The following SUPT16H variants were observed in gnomAD, a reference collection of about 807,000 sequenced individuals.
The protein encoded by SUPT16H is SPT16 homolog, facilitates chromatin remodeling subunit.
In SUPT16H, 24 loss-of-function variants were observed where a neutral mutation model predicts 136.2. That is an observed-to-expected ratio of 0.18 (90% CI 0.13 to 0.25). The LOEUF is 0.25. Ranked by LOEUF, SUPT16H falls within the 10% of genes least tolerant of loss-of-function variation. The probability of loss-of-function intolerance (pLI) is 1.00; values close to 1 mark genes in which losing one functional copy is unlikely to be tolerated. For missense variants in SUPT16H, 623 were observed against 1,270.2 expected (o/e 0.49, Z 7.74); for synonymous variants, 415 against 428.2 (o/e 0.97, Z 0.38).
At chr14:21,381,951 T>TA (rs1383800055) in intron 1 of SUPT16H, among the ~76,000 whole-genome samples, 1 of 151,828 alleles carries the variant, frequency 6.6e-6, no homozygotes, top group African/African-American at 2.4e-5. Flanking sequence ...GTTTTCTTAT[T>TA]AAAAAAAGGA....
At chr14:21,369,536 G>C in intron 5 of SUPT16H, 181 bp from the exon 6 acceptor site, 1 of 953,778 alleles carries the variant, frequency 1.0e-6, no homozygotes, top group Non-Finnish European at 1.5e-6. Context: ...AGGACTTACA[G>C]CTATTCCTAT....
In SUPT16H at chr14:21,361,067, T is replaced by G. The variant is rs1394786891; in HGVS notation, c.1929+11A>C. 1 of 1,613,498 alleles carries G rather than the reference T, an allele frequency of 6.2e-7. No individual in the cohort carries two copies. The highest frequency in any genetic ancestry group is 1.3e-5 in the African/African-American group (1 of 74,924). On this transcript the variant is annotated intron_variant, in intron 16 of 25. Coordinates refer to ENST00000216297, the MANE Select transcript of SUPT16H (RefSeq NM_007192.4). Reference sequence around the variant, plus strand: ...TTTGTGTAAGAATGTTTTGCCTGTGTTCAGGCTCACCTCCTTCTCTTTCTC... The same window carrying G: ...TTTGTGTAAGAATGTTTTGCCTGTGGTCAGGCTCACCTCCTTCTCTTTCTC...
intron 15 of SUPT16H, among the ~76,000 whole-genome samples, chr14:21,361,856 C>T (rs1034747399): frequency 7.2e-5 from 11 of 152,104 alleles, no homozygotes; most frequent in African/African-American, 2.7e-4. Context: ...CAGCCTCAAC[C>T]TCCCAGGCTC....
chr14:21,356,379 CAG>C (rs1465917698), intron 22 of SUPT16H, among the ~76,000 whole-genome samples: 2 of 152,180 alleles, frequency 1.3e-5, no homozygotes, highest in African/African-American at 4.8e-5. Context: ...CCAGCTTCAG[CAG>C]AGAGATCTCA....
chr14:21,378,733 T>C (rs1313430034), intron 1 of SUPT16H, among the ~76,000 whole-genome samples: 2 of 152,198 alleles, frequency 1.3e-5, no homozygotes, highest in Admixed American at 6.5e-5. Context: ...GCAGTATATA[T>C]AGATATTATT....
At chr14:21,354,964 T>C (rs1886395303) in intron 22 of SUPT16H, 1 of 157,574 alleles carries the variant, frequency 6.3e-6, no homozygotes, top group South Asian at 1.8e-4. Flanking sequence ...CCTAGAGCAC[T>C]AGCCCTCACA....
chr14:21,352,905 C>A, intron 25 of SUPT16H, 87 bp from the exon 26 acceptor site: 1 of 1,567,672 alleles, frequency 6.4e-7, no homozygotes. Flanking sequence ...ACAGAGAATA[C>A]ACTTTGGAAT....
intron 1 of SUPT16H, among the ~76,000 whole-genome samples, chr14:21,379,486 A>T (rs1886973974): frequency 6.6e-6 from 1 of 151,908 alleles, no homozygotes; most frequent in African/African-American, 2.4e-5. Context: ...AAGCTGAGTA[A>T]GCAATATTTA....
chr14:21,383,885 T>G lies in SUPT16H; in HGVS notation c.43A>C (p.Lys15Gln), dbSNP rs1174261451. ...ACCCGCCAATTGCTGTACAGTCTCT[T>G]CACTCGCCGATAATAAGCGTCTTTG... ...LDKDAYYRRV[K>Q]RLYSNWRKGE... The change falls in exon 1 of 26, where the codon AAG (lysine) becomes CAG (glutamine). Residue 15 changes from lysine to glutamine, a missense_variant. By Grantham distance (53) the Lys-to-Gln change is moderately conservative. Coordinates refer to ENST00000216297, the MANE Select transcript of SUPT16H (RefSeq NM_007192.4). 5 of 1,613,656 alleles carry G rather than the reference T, an allele frequency of 3.1e-6. No homozygotes were observed. The highest frequency in any genetic ancestry group is 4.2e-6 in the Non-Finnish European group (5 of 1,180,020).
chr14:21,382,773 T>C (rs1355393726), intron 1 of SUPT16H, among the ~76,000 whole-genome samples: 1 of 152,244 alleles, frequency 6.6e-6, no homozygotes, highest in Non-Finnish European at 1.5e-5. Flanking sequence ...AGTTCTTATT[T>C]TTCCTTTTCA....
Position 21,360,712 on chromosome 14 carries a change from C to CT in SUPT16H, c.2056+133dup, listed in dbSNP as rs573314586. The stretch of plus-strand genomic sequence containing the variant: ...TTCCTCCCAGCATTTCCTTGTCATA[C>CT]TTTATTAGCACCATGCTTTAACCAA... On this transcript the variant is annotated intron_variant, in intron 17 of 25. Coordinates refer to ENST00000216297, the MANE Select transcript of SUPT16H (RefSeq NM_007192.4). The CT allele has an allele frequency of 8.0e-5, 110 of 1,369,098 alleles. 1 individual carries two copies. In the East Asian group the frequency reaches 1.7e-3, roughly 21 times the overall value. The allele number at this position is 1,369,098 out of a possible 1,614,324, so 84.8% of individuals were successfully genotyped here. A position where few individuals can be genotyped will look rare whatever the true frequency, so the allele number is the denominator to read the frequency against.
Position 21,366,537 on chromosome 14 carries a change from C to T in SUPT16H, c.956-8G>A. On this transcript the variant is annotated splice_polypyrimidine_tract_variant and splice_region_variant and intron_variant, in intron 7 of 25. Transcript: ENST00000216297. ...CGTCACATATCTTCACACCTAATAA[C>T]AAGACACAAAGGAGATATTAAAGTA... The T allele has an allele frequency of 6.2e-7, 1 of 1,608,300 alleles. No individual in the cohort carries two copies.
chr14:21,381,786 C>T (rs1391789662), intron 1 of SUPT16H, among the ~76,000 whole-genome samples: 3 of 132,412 alleles, frequency 2.3e-5, no homozygotes, highest in African/African-American at 2.8e-5. Flanking sequence ...ATTTATTTGC[C>T]TTTTTTTTTT....
chr14:21,366,877 C>CA (rs1376576967), intron 7 of SUPT16H, among the ~76,000 whole-genome samples: 15 of 151,990 alleles, frequency 9.9e-5, no homozygotes, highest in African/African-American at 3.6e-4. Flanking sequence ...AAACTGGACT[C>CA]AAGCAATCCT....
chr14:21,368,485 G>T, intron 6 of SUPT16H, 44 bp from the exon 7 acceptor site: 1 of 1,559,982 alleles, frequency 6.4e-7, no homozygotes, highest in Non-Finnish European at 8.7e-7. Context: ...ACCAAAACTA[G>T]CAAAGTCCTT....
At chr14:21,363,576 G>A in intron 10 of SUPT16H, 73 bp from the exon 11 acceptor site, 6 of 1,336,470 alleles carry the variant, frequency 4.5e-6, no homozygotes, top group Non-Finnish European at 6.3e-6. Flanking sequence ...GTAAACGGCT[G>A]GGCAATGCTT....
At chr14:21,361,315 T>C in intron 15 of SUPT16H, 102 bp from the exon 16 acceptor site, 1 of 1,057,626 alleles carries the variant, frequency 9.5e-7, no homozygotes, top group Non-Finnish European at 1.3e-6. Flanking sequence ...ACTTTGCTTT[T>C]TTTTTTTTTT....
Position 21,366,480 on chromosome 14 carries a change from C to T in SUPT16H, c.1005G>A (p.Lys335=). 1 of 1,614,120 alleles carries T rather than the reference C, an allele frequency of 6.2e-7. No individual in the cohort carries two copies. Among genetic ancestry groups the T allele is most frequent in the South Asian group, 1.1e-5 (1 of 91,060 alleles). The change falls in exon 8 of 26, where the codon AAG becomes AAA. Residue 335 remains lysine (K), a synonymous_variant. Coordinates refer to ENST00000216297, the MANE Select transcript of SUPT16H (RefSeq NM_007192.4). ...VYNAVMDVVK[K]QKPELLNKIT... ...TTTTGTTCAGCAGTTCTGGCTTCTG[C>T]TTTTTAACCACGTCCATGACAGCGT...
At chr14:21,360,749 G>T (rs958733317) in intron 17 of SUPT16H, 97 bp downstream of exon 17, 1 of 1,514,952 alleles carries the variant, frequency 6.6e-7, no homozygotes, top group African/African-American at 1.4e-5. Context: ...TGAGCTAACC[G>T]GCGGATGGCT....
Sources: gnomAD v4.1 joint callset for allele counts (sites outside exome capture counted in the v4.1 genomes callset) on GRCh38, gnomAD v4.1.1 for gene constraint, MANE v1.5 for transcripts, NCBI Gene and HGNC (gene_info 2026-07-23, HGNC 2026-07-21) for gene names.